Variants in KIRREL3 observed in about 807,000 individuals in gnomAD.
KIRREL3 encodes the protein kirre like nephrin family adhesion molecule 3.
KIRREL3 carries 36 observed loss-of-function variants against 89.7 expected under a neutral mutation model. The ratio of observed to expected loss-of-function variants is 0.40; its 90% confidence interval spans 0.31 to 0.53. The LOEUF (loss-of-function observed/expected upper bound fraction) is 0.53, where lower values mean the gene tolerates loss of function less well. KIRREL3 is among the 20% of genes least tolerant of loss of function. The probability of loss-of-function intolerance (pLI) is 0.49; values close to 1 mark genes in which losing one functional copy is unlikely to be tolerated. For missense variants in KIRREL3, 864 were observed against 1,056.6 expected (o/e 0.82, Z 2.53); for synonymous variants, 445 against 441.4 (o/e 1.01, Z -0.10).
At position 126,768,198 on chromosome 11, in the gene KIRREL3, C is replaced by T. The variant is rs1227267583; in HGVS notation, c.56-205286G>A. ...CCATCCATCCATCCATCCATCCATC[C>T]ATCCATCCATCCATCCATCCATCCA... On this transcript the variant is annotated intron_variant, in intron 1 of 16. Transcript: ENST00000525144. The surrounding 1 kb of genome is among the most constrained non-coding windows in gnomAD (Gnocchi z 4.5). Among the ~76,000 whole-genome samples, 2 of 151,344 alleles carry T rather than the reference C, an allele frequency of 1.3e-5. No homozygotes were observed. The highest frequency in any genetic ancestry group is 1.3e-4 in the Admixed American group (2 of 15,218).
intron 1 of KIRREL3, among the ~76,000 whole-genome samples, chr11:126,880,406 TG>T (rs1945453509): frequency 6.6e-6 from 1 of 152,322 alleles, no homozygotes; most frequent in African/African-American, 2.4e-5. Flanking sequence ...CAATCATTTG[TG>T]CCTTCCTCCA....
chr11:126,564,566 G>A lies in KIRREL3; in HGVS notation c.56-1654C>T, dbSNP rs563388096. Among the ~76,000 whole-genome samples the A allele has an allele frequency of 1.3e-5, 2 of 152,170 alleles. No homozygotes were observed. The highest frequency in any genetic ancestry group is 2.9e-5 in the Non-Finnish European group (2 of 68,022). On this transcript the variant is annotated intron_variant, in intron 1 of 16. Transcript: ENST00000525144. This position sits in a 1 kb window ranked among gnomAD's most constrained non-coding sequence, Gnocchi z 7.4. ...TTCCTTCCCCTCCACACTGGCGTCT[G>A]AAGGCTTAGCCAAACCGCCCTCACT... is the stretch of plus-strand genomic sequence containing the variant.
At position 126,562,708 on chromosome 11, in the gene KIRREL3, T is replaced by C. The variant is rs1410688410; in HGVS notation, c.133+127A>G. 6 of 663,952 alleles carry C rather than the reference T, an allele frequency of 9.0e-6. 1 individual carries two copies. The Middle Eastern group carries it at 8.0e-4, about 89-fold the overall frequency. 41.1% of individuals were successfully genotyped at this position (663,952 alleles called of 1,614,324 possible). On this transcript the variant is annotated intron_variant, in intron 2 of 16. Coordinates refer to ENST00000525144, the MANE Select transcript of KIRREL3 (RefSeq NM_032531.4). The surrounding 1 kb of genome is among the most constrained non-coding windows in gnomAD (Gnocchi z 4.7). ...ACAAATGGCTTCATGGAAACCAAACTGGTCTTCCCACTGTCCCCTTCTGAG... is the reference window on the plus strand; with the variant it reads ...ACAAATGGCTTCATGGAAACCAAACCGGTCTTCCCACTGTCCCCTTCTGAG...
At chr11:126,988,930 C>T (rs778113495) in intron 1 of KIRREL3, among the ~76,000 whole-genome samples, 8 of 152,112 alleles carry the variant, frequency 5.3e-5, no homozygotes, top group Non-Finnish European at 8.8e-5. Context: ...TCACCACTCT[C>T]CTCCCTCCTC....
chr11:126,648,437 C>T (rs1278694945), intron 1 of KIRREL3, among the ~76,000 whole-genome samples: 4 of 152,156 alleles, frequency 2.6e-5, no homozygotes, highest in African/African-American at 4.8e-5. Flanking sequence ...AGACATTGCT[C>T]GGTGGCCACC....
In KIRREL3 at chr11:126,669,911, C is replaced by CATCT. The variant is rs544363452; in HGVS notation, c.56-107003_56-107000dup. ...ACAGACTTGTAGCCCCCACCCTGCA[C>CATCT]ATCTGTCTCTCTCCCAGTCTTCAGC... On this transcript the variant is annotated intron_variant, in intron 1 of 16. Coordinates refer to ENST00000525144, the MANE Select transcript of KIRREL3 (RefSeq NM_032531.4). This position sits in a 1 kb window ranked among gnomAD's most constrained non-coding sequence, Gnocchi z 5.0. Among the ~76,000 whole-genome samples the CATCT allele has an allele frequency of 7.2e-4, 110 of 152,302 alleles. 2 individuals are homozygous for CATCT. In the South Asian group the frequency reaches 0.021, roughly 30 times the overall value.
rs1292624434 is a variant in KIRREL3, at chr11:126,906,306, C to T, written c.55+94149G>A. ...CTCACGCCTTGTGTGACTGATGAGC[C>T]ACTTTTCGTTGTTTGCTTTCTTAAA... On this transcript the variant is annotated intron_variant, in intron 1 of 16. Transcript: ENST00000525144. The surrounding 1 kb of genome is among the most constrained non-coding windows in gnomAD (Gnocchi z 4.1). 6.6e-6 allele frequency among the ~76,000 whole-genome samples: 1 copy of T among 152,178 alleles called. No homozygotes were observed. Among genetic ancestry groups the T allele is most frequent in the African/African-American group, 2.4e-5 (1 of 41,434 alleles).
intron 5 of KIRREL3, among the ~76,000 whole-genome samples, chr11:126,468,912 C>G (rs928282797): frequency 6.6e-6 from 1 of 152,196 alleles, no homozygotes; most frequent in Admixed American, 6.5e-5. Context: ...GCCTTCAGAA[C>G]CATGTGGCCA....
Position 126,987,620 on chromosome 11 carries a change from T to C in KIRREL3, c.55+12835A>G, listed in dbSNP as rs936358519. Among the ~76,000 whole-genome samples, 1 of 152,160 alleles carries C rather than the reference T, an allele frequency of 6.6e-6. No individual in the cohort carries two copies. Among genetic ancestry groups the C allele is most frequent in the Non-Finnish European group, 1.5e-5 (1 of 68,016 alleles). Reference sequence around the variant, plus strand: ...TCATGCCCAGAGAAAGGAGCATTGATATGGATTTGGAACCCAGGCATCAGC... The same window carrying C: ...TCATGCCCAGAGAAAGGAGCATTGACATGGATTTGGAACCCAGGCATCAGC... On this transcript the variant is annotated intron_variant, in intron 1 of 16. Coordinates refer to ENST00000525144, the MANE Select transcript of KIRREL3 (RefSeq NM_032531.4). This position sits in a 1 kb window ranked among gnomAD's most constrained non-coding sequence, Gnocchi z 4.6.
rs1349010087 is a variant in KIRREL3, at chr11:126,642,508, C to G, written c.56-79596G>C. ...ACTCTGCCCTGCACTTTCCATTCCC[C>G]ATCCCCTTTCCTCTGCCTTTTCCAA... On this transcript the variant is annotated intron_variant, in intron 1 of 16. Transcript: ENST00000525144. This position sits in a 1 kb window ranked among gnomAD's most constrained non-coding sequence, Gnocchi z 4.9. Among the ~76,000 whole-genome samples, 1 of 152,248 alleles carries G rather than the reference C, an allele frequency of 6.6e-6. No homozygotes were observed. Among genetic ancestry groups the G allele is most frequent in the Non-Finnish European group, 1.5e-5 (1 of 68,046 alleles).
rs528292760 is a variant in KIRREL3 at position 126,431,433 on chromosome 11, G to A, written c.1682C>T (p.Ala561Val). Reference protein sequence around the residue: ...LMATIVAFCCARSQRNLKGVV... With the variant: ...LMATIVAFCCVRSQRNLKGVV... ...CCCTCCCGTACTTCTCTGGGAACGG[G>A]CACAGCAGAACGCCACGATGGTTGC... The change falls in exon 14 of 17, where the codon GCC (alanine) becomes GTC (valine). Residue 561 changes from alanine to valine, a missense_variant. Transcript: ENST00000525144. The surrounding 1 kb of genome is among the most constrained non-coding windows in gnomAD (Gnocchi z 7.1). 8.1e-6 allele frequency: 13 copies of A among 1,614,020 alleles called. No homozygotes were observed. The highest frequency in any genetic ancestry group is 4.4e-5 in the South Asian group (4 of 91,080).
chr11:126,532,628 G>A (rs112679193), intron 2 of KIRREL3, among the ~76,000 whole-genome samples: 16 of 152,108 alleles, frequency 1.1e-4, no homozygotes, highest in Non-Finnish European at 1.5e-4. Flanking sequence ...TGCCCACCTC[G>A]GCTTCCCAAA....
intron 1 of KIRREL3, among the ~76,000 whole-genome samples, chr11:126,646,934 C>T (rs1944713527): frequency 6.6e-6 from 1 of 152,114 alleles, no homozygotes; most frequent in Non-Finnish European, 1.5e-5. Context: ...TCACATGTTG[C>T]ACCACCGATG....
In KIRREL3 at chr11:126,912,796, G is replaced by A. The variant is rs1245412614; in HGVS notation, c.55+87659C>T. On this transcript the variant is annotated intron_variant, in intron 1 of 16. Transcript: ENST00000525144. This position sits in a 1 kb window ranked among gnomAD's most constrained non-coding sequence, Gnocchi z 4.7. ...GCTGGCATGGCAGGTGAAGTATAGC[G>A]AAGAGGAACTTGGCGTGATAATGGA... Among the ~76,000 whole-genome samples, 2 of 152,190 alleles carry A rather than the reference G, an allele frequency of 1.3e-5. No homozygotes were observed. Among genetic ancestry groups the A allele is most frequent in the East Asian group, 1.9e-4 (1 of 5,190 alleles).
rs1014859922 is a variant in KIRREL3, at chr11:126,750,870, G to T, written c.56-187958C>A. On this transcript the variant is annotated intron_variant, in intron 1 of 16. Transcript: ENST00000525144. This position sits in a 1 kb window ranked among gnomAD's most constrained non-coding sequence, Gnocchi z 4.2. The stretch of plus-strand genomic sequence containing the variant: ...TTTCATGAGTACTAATAAAACACAT[G>T]ATAGTTATCACTTTAGGGATGGCTT... Among the ~76,000 whole-genome samples the T allele has an allele frequency of 6.6e-6, 1 of 152,194 alleles. No homozygotes were observed. Among genetic ancestry groups the T allele is most frequent in the Admixed American group, 6.5e-5 (1 of 15,282 alleles).
At position 126,960,692 on chromosome 11, in the gene KIRREL3, A is replaced by G. The variant is rs114911600; in HGVS notation, c.55+39763T>C. 6.4e-3 allele frequency among the ~76,000 whole-genome samples: 982 copies of G among 152,310 alleles called. 7 individuals are homozygous for G. The highest frequency in any genetic ancestry group is 0.022 in the African/African-American group (917 of 41,570). ...CAGATTTTGTAGATCTTACTTTTGA[A>G]GAACTCCACCCCTCTCTTTTCTTTC... On this transcript the variant is annotated intron_variant, in intron 1 of 16. Coordinates refer to ENST00000525144, the MANE Select transcript of KIRREL3 (RefSeq NM_032531.4).
chr11:126,657,985 A>G (rs1340668497), intron 1 of KIRREL3, among the ~76,000 whole-genome samples: 1 of 152,178 alleles, frequency 6.6e-6, no homozygotes, highest in East Asian at 1.9e-4. Flanking sequence ...AGTTTCACAG[A>G]GAAGATGGCA....
At chr11:126,751,977 A>G (rs1429044346) in intron 1 of KIRREL3, among the ~76,000 whole-genome samples, 4 of 152,210 alleles carry the variant, frequency 2.6e-5, no homozygotes, top group Non-Finnish European at 5.9e-5. Context: ...TGCTGGGATT[A>G]CAGGCATGAG....
In KIRREL3 at chr11:126,631,886, G is replaced by A. The variant is rs928477718; in HGVS notation, c.56-68974C>T. ...TAGATACCTGACTCCTGGTCTTATGGATTATGTACCTTGCCTCACTTTTCT... is the reference window on the plus strand; with the variant it reads ...TAGATACCTGACTCCTGGTCTTATGAATTATGTACCTTGCCTCACTTTTCT... On this transcript the variant is annotated intron_variant, in intron 1 of 16. Transcript: ENST00000525144. 9.9e-5 allele frequency among the ~76,000 whole-genome samples: 15 copies of A among 152,282 alleles called. No homozygotes were observed. The East Asian group carries it at 1.5e-3, about 16-fold the overall frequency.
Sources: gnomAD v4.1 joint callset for allele counts (sites outside exome capture counted in the v4.1 genomes callset) on GRCh38, gnomAD v4.1.1 for gene constraint, Gnocchi (gnomAD v3.1) non-coding constraint, MANE v1.5 for transcripts, NCBI Gene and HGNC (gene_info 2026-07-23, HGNC 2026-07-21) for gene names.